PCDHAC1: variants seen among roughly 807,000 people sequenced by gnomAD.
The protein encoded by PCDHAC1 is protocadherin alpha-C1.
Under a neutral mutation model 60.0 loss-of-function variants are expected in PCDHAC1, and 42 were observed. The observed-to-expected ratio is 0.70, with a 90% confidence interval of 0.55 to 0.90. The LOEUF is 0.90. Among genes scored for constraint, PCDHAC1 ranks in the 40% least tolerant of loss-of-function variants. The probability of loss-of-function intolerance (pLI) is 0.00; values close to 1 mark genes in which losing one functional copy is unlikely to be tolerated. For synonymous variants in PCDHAC1, 468 were observed against 499.3 expected (o/e 0.94, Z 0.84); for missense variants, 1,160 against 1,222.3 (o/e 0.95, Z 0.76).
At position 140,928,899 on chromosome 5, in the gene PCDHAC1, T is replaced by C. The variant is rs2085633672; in HGVS notation, c.2007T>C (p.Asp669=). 2.5e-6 allele frequency: 4 copies of C among 1,614,088 alleles called. No individual in the cohort carries two copies. Among genetic ancestry groups the C allele is most frequent in the South Asian group, 1.1e-5 (1 of 91,092 alleles). Reference sequence around the variant, plus strand: ...CTCAGTTACTTCCAGACTTTGAAGATGTCTGGGAACCAGGAGGGCAGCTTT... The same window carrying C: ...CTCAGTTACTTCCAGACTTTGAAGACGTCTGGGAACCAGGAGGGCAGCTTT... ...SVPQLLPDFE[D]VWEPGGQLSA... is the part of the protein sequence containing the mutation. The change falls in exon 1 of 4, where the codon GAT becomes GAC. Residue 669 remains aspartate (D), a synonymous_variant. Coordinates refer to ENST00000253807, the MANE Select transcript of PCDHAC1 (RefSeq NM_018898.5).
intron 3 of PCDHAC1, among the ~76,000 whole-genome samples, chr5:140,990,735 C>T (rs1554251705): frequency 6.6e-6 from 1 of 152,112 alleles, no homozygotes; most frequent in African/African-American, 2.4e-5. Flanking sequence ...ATATCAACAG[C>T]CCTAGGGTGG....
chr5:141,006,207 T>C (rs1434083054), intron 3 of PCDHAC1, among the ~76,000 whole-genome samples: 4 of 150,998 alleles, frequency 2.6e-5, no homozygotes, highest in Non-Finnish European at 5.9e-5. Context: ...TTATGCCTCA[T>C]TTTTTTTTAA....
chr5:140,959,118 C>T (rs781848896), intron 1 of PCDHAC1, among the ~76,000 whole-genome samples: 8 of 151,838 alleles, frequency 5.3e-5, no homozygotes, highest in Non-Finnish European at 1.0e-4. Context: ...CGAAGGTGGG[C>T]GAGGTGAGCC....
chr5:140,949,550 G>A (rs1195934854), intron 1 of PCDHAC1, among the ~76,000 whole-genome samples: 11 of 151,608 alleles, frequency 7.3e-5, no homozygotes, highest in Admixed American at 7.2e-4. Flanking sequence ...TTTGTTGCTG[G>A]TCATACTTTT....
intron 1 of PCDHAC1, among the ~76,000 whole-genome samples, chr5:140,953,733 TG>T (rs1449457533): frequency 2.6e-5 from 4 of 152,200 alleles, no homozygotes; most frequent in Admixed American, 6.5e-5. Context: ...TTGAAATTTT[TG>T]CTTAACATTA....
rs146932686 is a variant in PCDHAC1, at chr5:140,955,010, G to T, written c.2434-23939G>T. 3.9e-3 allele frequency among the ~76,000 whole-genome samples: 599 copies of T among 152,256 alleles called. 6 individuals carry two copies. The highest frequency in any genetic ancestry group is 0.032 in the South Asian group (154 of 4,816). On this transcript the variant is annotated intron_variant, in intron 1 of 3. Transcript: ENST00000253807. ...TGCATATGGCTAGCCAATTCTCCCAGCACCATTTATTAAATAGGGAATCTT... is the reference window on the plus strand; with the variant it reads ...TGCATATGGCTAGCCAATTCTCCCATCACCATTTATTAAATAGGGAATCTT...
chr5:140,966,862 G>T (rs782810195), intron 1 of PCDHAC1: 1 of 1,562,198 alleles, frequency 6.4e-7, no homozygotes. Context: ...TGCTGCTGTT[G>T]CTGCTGCTGC....
intron 1 of PCDHAC1, among the ~76,000 whole-genome samples, chr5:140,946,631 T>TATATATATACAC (rs57893927): frequency 0.012 from 1,602 of 131,782 alleles, 27 homozygotes; most frequent in South Asian, 0.028. Flanking sequence ...TATATATATA[T>TATATATATACAC]ACAATGGAAT....
At chr5:140,992,517 G>C (rs78765218) in intron 3 of PCDHAC1, among the ~76,000 whole-genome samples, 388 of 152,300 alleles carry the variant, frequency 2.5e-3, no homozygotes, top group African/African-American at 8.8e-3. Flanking sequence ...GGGCATGGTA[G>C]CTAATGGAAA....
In PCDHAC1 at chr5:141,010,551, C is replaced by T. The variant is rs2098417607; in HGVS notation, c.*614C>T. ...AGCCACCCTCTAGGAGACAAAACTA[C>T]CCCCACTGACAAGGCTTTAGGAGAC... On this transcript the variant is annotated 3_prime_UTR_variant, in exon 4 of 4. Coordinates refer to ENST00000253807, the MANE Select transcript of PCDHAC1 (RefSeq NM_018898.5). The T allele has an allele frequency of 9.3e-6, 3 of 323,786 alleles. No homozygotes were observed. Among genetic ancestry groups the T allele is most frequent in the African/African-American group, 2.1e-5 (1 of 47,406 alleles). The allele number at this position is 323,786 out of a possible 1,614,324, so 20.1% of individuals were successfully genotyped here.
rs1563092229 is a variant in PCDHAC1, at chr5:140,927,447, G to A, written c.555G>A (p.Leu185=). 4.3e-6 allele frequency: 7 copies of A among 1,613,982 alleles called. No homozygotes were observed. Among genetic ancestry groups the A allele is most frequent in the Non-Finnish European group, 5.1e-6 (6 of 1,179,970 alleles). Residue 185 remains leucine (L), a synonymous_variant, in exon 1 of 4, where the codon TTG becomes TTA. Coordinates refer to ENST00000253807, the MANE Select transcript of PCDHAC1 (RefSeq NM_018898.5). ...SRVDGSEYPE[L]VLEKALDREQ... The stretch of plus-strand genomic sequence containing the variant: ...TTGACGGCAGCGAATACCCGGAGTT[G>A]GTGTTGGAGAAAGCACTGGATCGCG...
chr5:141,006,505 G>A (rs2098276412), intron 3 of PCDHAC1, among the ~76,000 whole-genome samples: 2 of 152,020 alleles, frequency 1.3e-5, no homozygotes, highest in African/African-American at 4.8e-5. Flanking sequence ...GAGCCACCGC[G>A]CCTGGCTGTT....
At chr5:140,992,918 A>C (rs1362238628) in intron 3 of PCDHAC1, among the ~76,000 whole-genome samples, 2 of 152,186 alleles carry the variant, frequency 1.3e-5, no homozygotes, top group Non-Finnish European at 2.9e-5. Context: ...GGCCCTCTCC[A>C]TACTTACAGC....
At position 140,942,589 on chromosome 5, in the gene PCDHAC1, T is replaced by A. The variant is rs1444015331; in HGVS notation, c.2433+13264T>A. On this transcript the variant is annotated intron_variant, in intron 1 of 3. Coordinates refer to ENST00000253807, the MANE Select transcript of PCDHAC1 (RefSeq NM_018898.5). ...AAATCTTCCCATATAGGATGTCACA[T>A]ATAATTATAGTGTTTATATTTGCCA... Among the ~76,000 whole-genome samples, 4 of 148,934 alleles carry A rather than the reference T, an allele frequency of 2.7e-5. No homozygotes were observed. In the Admixed American group the frequency reaches 2.7e-4, roughly 10 times the overall value.
chr5:140,945,850 T>G (rs1472612975), intron 1 of PCDHAC1, among the ~76,000 whole-genome samples: 1 of 152,102 alleles, frequency 6.6e-6, no homozygotes, highest in Non-Finnish European at 1.5e-5. Context: ...ATTAAAGACT[T>G]AAACATAGAC....
chr5:140,962,825 G>A (rs962485906), intron 1 of PCDHAC1, among the ~76,000 whole-genome samples: 1 of 152,194 alleles, frequency 6.6e-6, no homozygotes, highest in Non-Finnish European at 1.5e-5. Flanking sequence ...ATGACCATTT[G>A]TCTCTTTTTT....
intron 2 of PCDHAC1, among the ~76,000 whole-genome samples, chr5:140,980,357 C>T (rs191882864): frequency 1.6e-3 from 239 of 152,238 alleles, no homozygotes; most frequent in Middle Eastern, 6.8e-3. Flanking sequence ...CTGGACTGGG[C>T]GCGGTGGCTC....
At chr5:140,998,008 T>C (rs1447849810) in intron 3 of PCDHAC1, among the ~76,000 whole-genome samples, 6 of 152,128 alleles carry the variant, frequency 3.9e-5, no homozygotes, top group East Asian at 1.9e-4. Flanking sequence ...GAGCCTTCCA[T>C]CCCCACCTCG....
intron 3 of PCDHAC1, among the ~76,000 whole-genome samples, chr5:141,001,177 T>G (rs2097996689): frequency 6.6e-6 from 1 of 152,154 alleles, no homozygotes; most frequent in Non-Finnish European, 1.5e-5. Context: ...TAACGAGTTT[T>G]TACTTTGCAC....
Sources: gnomAD v4.1 joint callset for allele counts (sites outside exome capture counted in the v4.1 genomes callset) on GRCh38, gnomAD v4.1.1 for gene constraint, MANE v1.5 for transcripts, NCBI Gene and HGNC (gene_info 2026-07-23, HGNC 2026-07-21) for gene names.